The following ANKRD55 variants were observed in gnomAD, a reference collection of about 807,000 sequenced individuals.
The protein encoded by ANKRD55 is ankyrin repeat domain 55, also known as ankyrin repeat domain-containing protein 55.
Under a neutral mutation model 60.6 loss-of-function variants are expected in ANKRD55, and 41 were observed. That is an observed-to-expected ratio of 0.68 (90% CI 0.53 to 0.88). ANKRD55 has a LOEUF of 0.88. Ranked by LOEUF, ANKRD55 falls within the 40% of genes least tolerant of loss-of-function variation. The probability of loss-of-function intolerance (pLI) is 0.00; values close to 1 mark genes in which losing one functional copy is unlikely to be tolerated. For synonymous variants in ANKRD55, 264 were observed against 290.3 expected (o/e 0.91, Z 0.92); for missense variants, 732 against 767.6 (o/e 0.95, Z 0.55).
At chr5:56,215,038 C>T (rs1391432249) in intron 2 of ANKRD55, among the ~76,000 whole-genome samples, 1 of 151,936 alleles carries the variant, frequency 6.6e-6, no homozygotes, top group Admixed American at 6.6e-5. Context: ...AGGGTAAAGT[C>T]GATGGGCCCA....
chr5:56,138,416 G>A (rs143549502), intron 7 of ANKRD55, among the ~76,000 whole-genome samples: 3 of 152,210 alleles, frequency 2.0e-5, no homozygotes, highest in East Asian at 1.9e-4. Context: ...GTGAGCCAAC[G>A]TGCCTGGTCA....
At chr5:56,166,158 T>TTTCTTTCTTCC (rs1554040812) in intron 5 of ANKRD55, among the ~76,000 whole-genome samples, 4 of 72,436 alleles carry the variant, frequency 5.5e-5, no homozygotes, top group Admixed American at 1.5e-4. Flanking sequence ...TTCTTTCTTC[T>TTTCTTTCTTCC]TTCCTTCCTT....
At chr5:56,195,483 C>T (rs1167128548) in intron 2 of ANKRD55, among the ~76,000 whole-genome samples, 1 of 152,032 alleles carries the variant, frequency 6.6e-6, no homozygotes, top group East Asian at 1.9e-4. Flanking sequence ...TCACTCTGTC[C>T]CCCAGGCTGG....
At chr5:56,231,247 C>T (rs567336115) in intron 2 of ANKRD55, among the ~76,000 whole-genome samples, 11 of 152,176 alleles carry the variant, frequency 7.2e-5, no homozygotes, top group East Asian at 1.9e-4. Context: ...GGAGAGAATC[C>T]GGCCCAGGTG....
chr5:56,226,145 T>C (rs1210937365), intron 2 of ANKRD55, among the ~76,000 whole-genome samples: 1 of 152,062 alleles, frequency 6.6e-6, no homozygotes, highest in African/African-American at 2.4e-5. Flanking sequence ...TATAGACCAA[T>C]AGAACAGAAC....
intron 5 of ANKRD55, chr5:56,161,986 G>A (rs760708671): frequency 1.9e-5 from 19 of 985,292 alleles, no homozygotes; most frequent in Non-Finnish European, 2.3e-5. Flanking sequence ...CTTACCTTGT[G>A]ACTGTGCTTC....
chr5:56,115,203 A>AATG (rs1258576542), intron 9 of ANKRD55, among the ~76,000 whole-genome samples: 2 of 83,010 alleles, frequency 2.4e-5, no homozygotes, highest in Non-Finnish European at 5.5e-5. Context: ...TGGTTCTAAA[A>AATG]ATAATAATAA....
chr5:56,216,358 CACA>C (rs1405617643), intron 2 of ANKRD55, among the ~76,000 whole-genome samples: 1 of 152,114 alleles, frequency 6.6e-6, no homozygotes, highest in Non-Finnish European at 1.5e-5. Context: ...TTCCTTGAGA[CACA>C]ACAATATTGA....
chr5:56,103,342 C>G lies in ANKRD55; in HGVS notation c.1631-756G>C, dbSNP rs568848481. Reference sequence around the variant, plus strand: ...GTGTATTTACACCGTGAAAAATCAGCAAGCACAGATTTTTCTCCTGGAAAG... The same window carrying G: ...GTGTATTTACACCGTGAAAAATCAGGAAGCACAGATTTTTCTCCTGGAAAG... On this transcript the variant is annotated intron_variant, in intron 10 of 11. Coordinates refer to ENST00000341048, the MANE Select transcript of ANKRD55 (RefSeq NM_024669.3). 2.0e-5 allele frequency among the ~76,000 whole-genome samples: 3 copies of G among 152,216 alleles called. 1 individual carries two copies. The highest frequency in any genetic ancestry group is 7.2e-5 in the African/African-American group (3 of 41,452).
At chr5:56,119,901 GAGCGAGACCCTGT>G (rs1375120956) in intron 8 of ANKRD55, among the ~76,000 whole-genome samples, 15 of 152,094 alleles carry the variant, frequency 9.9e-5, no homozygotes, top group African/African-American at 3.4e-4. Flanking sequence ...CTGGGCAATG[GAGCGAGACCCTGT>G]CTCAAAAAAC....
chr5:56,165,967 G>T (rs2111803351), intron 5 of ANKRD55, among the ~76,000 whole-genome samples: 1 of 152,196 alleles, frequency 6.6e-6, no homozygotes, highest in Admixed American at 6.5e-5. Flanking sequence ...GGGAAGCTGA[G>T]CCTTGACATG....
intron 2 of ANKRD55, 71 bp downstream of exon 2, chr5:56,232,785 T>C: frequency 2.0e-6 from 3 of 1,478,142 alleles, no homozygotes; most frequent in Non-Finnish European, 2.8e-6. Flanking sequence ...TTTCTCTCCT[T>C]ACAACTGTAA....
intron 4 of ANKRD55, among the ~76,000 whole-genome samples, chr5:56,171,977 G>A (rs1173671605): frequency 6.6e-6 from 1 of 152,036 alleles, no homozygotes; most frequent in Admixed American, 6.5e-5. Context: ...AAATTAGCTG[G>A]GAATGGTGGC....
chr5:56,169,631 AC>A lies in ANKRD55; in HGVS notation c.422+1062del, dbSNP rs371358281. Among the ~76,000 whole-genome samples the A allele has an allele frequency of 4.4e-3, 673 of 152,230 alleles. 7 individuals are homozygous for A. The highest frequency in any genetic ancestry group is 0.015 in the African/African-American group (626 of 41,534). The stretch of plus-strand genomic sequence containing the variant: ...GGGAATAGTCCTGGAATTTCCCAGG[AC>A]CTTTTATTTTACTGTAAAAGAGATT... On this transcript the variant is annotated intron_variant, in intron 5 of 11. Transcript: ENST00000341048.
Position 56,157,768 on chromosome 5 carries a change from A to G in ANKRD55, c.483+2065T>C, listed in dbSNP as rs185062939. Among the ~76,000 whole-genome samples, 495 of 152,136 alleles carry G rather than the reference A, an allele frequency of 3.3e-3. 1 individual carries two copies. The highest frequency in any genetic ancestry group is 0.012 in the African/African-American group (480 of 41,494). On this transcript the variant is annotated intron_variant, in intron 6 of 11. Transcript: ENST00000341048. ...GTCCTGCCACATCCCCCTCTCTGAGATGGTAGAGATAATGATCAATAAATA... is the reference window on the plus strand; with the variant it reads ...GTCCTGCCACATCCCCCTCTCTGAGGTGGTAGAGATAATGATCAATAAATA...
At chr5:56,132,945 T>C (rs1757462941) in intron 7 of ANKRD55, among the ~76,000 whole-genome samples, 1 of 152,102 alleles carries the variant, frequency 6.6e-6, no homozygotes, top group Non-Finnish European at 1.5e-5. Context: ...TACATAATGA[T>C]AAAGAGGTCA....
chr5:56,148,857 A>G (rs1757968423), intron 6 of ANKRD55, among the ~76,000 whole-genome samples: 1 of 151,128 alleles, frequency 6.6e-6, no homozygotes, highest in Non-Finnish European at 1.5e-5. Flanking sequence ...GTGGAGGGGG[A>G]GGGTTAAGAA....
At chr5:56,162,102 C>T in intron 5 of ANKRD55, 1 of 926,830 alleles carries the variant, frequency 1.1e-6, no homozygotes, top group Non-Finnish European at 1.3e-6. Flanking sequence ...AAGGGCAAGG[C>T]AGGAGGTCAG....
At chr5:56,134,077 G>C (rs540595010) in intron 7 of ANKRD55, among the ~76,000 whole-genome samples, 3 of 112,704 alleles carry the variant, frequency 2.7e-5, no homozygotes, top group African/African-American at 8.6e-5. Context: ...AAAACAGAGG[G>C]AAACAAATTA....
Sources: gnomAD v4.1 joint callset for allele counts (sites outside exome capture counted in the v4.1 genomes callset) on GRCh38, gnomAD v4.1.1 for gene constraint, MANE v1.5 for transcripts, NCBI Gene and HGNC (gene_info 2026-07-23, HGNC 2026-07-21) for gene names.